The following TMEM132D variants were observed in gnomAD, a reference collection of about 807,000 sequenced individuals.
TMEM132D encodes mature OL transmembrane protein.
In TMEM132D, 21 loss-of-function variants were observed where a neutral mutation model predicts 62.3. The observed-to-expected ratio is 0.34, with a 90% CI of 0.24 to 0.49. The LOEUF is 0.49. Among genes scored for constraint, TMEM132D ranks in the 20% least tolerant of loss-of-function variants. The pLI, the probability that TMEM132D is intolerant of heterozygous loss-of-function variation, is 0.99. For synonymous variants in TMEM132D, 621 were observed against 575.6 expected (o/e 1.08, Z -1.13); for missense variants, 1,346 against 1,402.8 (o/e 0.96, Z 0.65).
At chr12:129,869,402 T>C (rs1432254137) in intron 1 of TMEM132D, among the ~76,000 whole-genome samples, 3 of 152,222 alleles carry the variant, frequency 2.0e-5, no homozygotes, top group Admixed American at 6.5e-5. Flanking sequence ...TCAAATGAAA[T>C]AGTATTTGCA....
intron 2 of TMEM132D, among the ~76,000 whole-genome samples, chr12:129,544,404 A>T (rs1876675915): frequency 1.3e-5 from 2 of 152,230 alleles, no homozygotes; most frequent in African/African-American, 4.8e-5. Context: ...AAATCACACT[A>T]TTCATTAAAT....
chr12:129,333,092 G>T (rs1869162496), intron 4 of TMEM132D, among the ~76,000 whole-genome samples: 1 of 152,100 alleles, frequency 6.6e-6, no homozygotes, highest in African/African-American at 2.4e-5. Flanking sequence ...AAGAGAAAAT[G>T]GGCAAAGAAC....
chr12:129,078,461 G>C (rs1009263209), intron 8 of TMEM132D, 73 bp downstream of exon 8: 2 of 1,486,204 alleles, frequency 1.3e-6, no homozygotes, highest in Non-Finnish European at 1.8e-6. Flanking sequence ...CCCGCCTGGC[G>C]TGGTGCCTGC....
At chr12:129,607,722 G>C (rs1878665991) in intron 2 of TMEM132D, among the ~76,000 whole-genome samples, 1 of 152,164 alleles carries the variant, frequency 6.6e-6, no homozygotes, top group Non-Finnish European at 1.5e-5. Context: ...TAGATGAACA[G>C]AGACCAATTC....
At position 129,363,169 on chromosome 12, in the gene TMEM132D, G is replaced by A. The variant is rs55771378; in HGVS notation, c.1116-25352C>T. Among the ~76,000 whole-genome samples, 707 of 152,282 alleles carry A rather than the reference G, an allele frequency of 4.6e-3. 3 individuals are homozygous for A. Among genetic ancestry groups the A allele is most frequent in the Non-Finnish European group, 8.5e-3 (578 of 68,030 alleles). ...AAGAAGGCAGCTTTGCTTGACAAGC[G>A]TCTTTGGTGTCTAGCCTTAGGGAAA... is the stretch of plus-strand genomic sequence containing the variant. On this transcript the variant is annotated intron_variant, in intron 3 of 8. Transcript: ENST00000422113.
intron 5 of TMEM132D, among the ~76,000 whole-genome samples, chr12:129,096,094 C>T (rs1875106624): frequency 6.6e-6 from 1 of 152,126 alleles, no homozygotes; most frequent in Non-Finnish European, 1.5e-5. Flanking sequence ...GCAGCCTTCC[C>T]AGGTATGCAC....
Position 129,281,140 on chromosome 12 carries a change from C to A in TMEM132D, c.1299+56494G>T, listed in dbSNP as rs139651060. 5.3e-5 allele frequency among the ~76,000 whole-genome samples: 8 copies of A among 152,112 alleles called. No individual in the cohort carries two copies. In the East Asian group the frequency reaches 1.5e-3, roughly 29 times the overall value. The stretch of plus-strand genomic sequence containing the variant: ...AATAACTCAGGATAGCAATTGTCTT[C>A]GCCATACTCTATTCTCAGAGAAATG... On this transcript the variant is annotated intron_variant, in intron 4 of 8. Transcript: ENST00000422113.
At chr12:129,168,739 C>T (rs75938178) in intron 5 of TMEM132D, among the ~76,000 whole-genome samples, 5,404 of 152,246 alleles carry the variant, frequency 0.035, 195 homozygotes, top group East Asian at 0.13. Context: ...CTCTACCTTC[C>T]AGATGCTGGT....
intron 5 of TMEM132D, among the ~76,000 whole-genome samples, chr12:129,101,006 T>A (rs1247460089): frequency 1.3e-5 from 2 of 152,104 alleles, no homozygotes; most frequent in Non-Finnish European, 2.9e-5. Context: ...ATCGAAGCTC[T>A]GTGGCACCAG....
chr12:129,179,353 A>G (rs966560639), intron 5 of TMEM132D, among the ~76,000 whole-genome samples: 1 of 150,852 alleles, frequency 6.6e-6, no homozygotes, highest in African/African-American at 2.4e-5. Context: ...TTTTTTTTCT[A>G]AGAAGGTCAA....
At chr12:129,620,475 T>C (rs1879035223) in intron 2 of TMEM132D, among the ~76,000 whole-genome samples, 1 of 152,186 alleles carries the variant, frequency 6.6e-6, no homozygotes, top group South Asian at 2.1e-4. Flanking sequence ...GGCACATGCC[T>C]GTAATCCTAG....
chr12:129,188,883 T>G (rs1243474051), intron 5 of TMEM132D, among the ~76,000 whole-genome samples: 1 of 151,816 alleles, frequency 6.6e-6, no homozygotes, highest in Non-Finnish European at 1.5e-5. Context: ...GTACCTTGAG[T>G]TGATTAAGGC....
chr12:129,196,301 T>C (rs935467752), intron 5 of TMEM132D, among the ~76,000 whole-genome samples: 4 of 152,220 alleles, frequency 2.6e-5, no homozygotes, highest in Non-Finnish European at 5.9e-5. Flanking sequence ...GTTTTATCTC[T>C]AGAAAGGGCA....
chr12:129,293,641 C>G (rs1881501741), intron 4 of TMEM132D, among the ~76,000 whole-genome samples: 1 of 152,138 alleles, frequency 6.6e-6, no homozygotes, highest in African/African-American at 2.4e-5. Flanking sequence ...GTGATGGAGA[C>G]AGTAACAGAT....
intron 2 of TMEM132D, among the ~76,000 whole-genome samples, chr12:129,675,623 C>T (rs1656746219): frequency 6.6e-6 from 1 of 152,200 alleles, no homozygotes; most frequent in Non-Finnish European, 1.5e-5. Flanking sequence ...GGAAAAGTTT[C>T]CTCAGGGCAA....
intron 4 of TMEM132D, among the ~76,000 whole-genome samples, chr12:129,221,999 G>A (rs767137075): frequency 2.6e-5 from 4 of 152,166 alleles, no homozygotes; most frequent in Non-Finnish European, 2.9e-5. Context: ...ATTGGCACCT[G>A]CATTGCAAAT....
At chr12:129,577,973 C>T (rs1877723338) in intron 2 of TMEM132D, among the ~76,000 whole-genome samples, 1 of 152,162 alleles carries the variant, frequency 6.6e-6, no homozygotes, top group Admixed American at 6.5e-5. Flanking sequence ...AGAACATCAT[C>T]CTCGCCAATT....
chr12:129,849,824 T>A (rs1369114447), intron 1 of TMEM132D, among the ~76,000 whole-genome samples: 6 of 152,158 alleles, frequency 3.9e-5, no homozygotes, highest in Non-Finnish European at 4.4e-5. Context: ...AATCAGAAAA[T>A]GTTCAGATTA....
At chr12:129,842,097 A>ATTGTT (rs1566005017) in intron 1 of TMEM132D, among the ~76,000 whole-genome samples, 1 of 97,444 alleles carries the variant, frequency 1.0e-5, no homozygotes, top group East Asian at 2.8e-4. Flanking sequence ...CGCCCGGCTA[A>ATTGTT]TTTTTTTTTT....
Sources: gnomAD v4.1 joint callset for allele counts (sites outside exome capture counted in the v4.1 genomes callset) on GRCh38, gnomAD v4.1.1 for gene constraint, MANE v1.5 for transcripts, NCBI Gene and HGNC (gene_info 2026-07-23, HGNC 2026-07-21) for gene names.